Variants in ATXN1 observed in about 807,000 individuals in gnomAD.
ATXN1 encodes ataxin-1.
ATXN1 carries 8 observed loss-of-function variants against 56.4 expected under a neutral mutation model. That is an observed-to-expected ratio of 0.14 (90% CI 0.08 to 0.26). The LOEUF (loss-of-function observed/expected upper bound fraction) is 0.26, where lower values mean the gene tolerates loss of function less well. ATXN1 is among the 10% of genes least tolerant of loss of function. ATXN1 has a pLI of 1.00. For synonymous variants in ATXN1, 514 were observed against 494.6 expected (o/e 1.04, Z -0.52); for missense variants, 987 against 1,106.5 (o/e 0.89, Z 1.53).
intron 3 of ATXN1, among the ~76,000 whole-genome samples, chr6:16,606,398 T>G (rs924940149): frequency 6.6e-6 from 1 of 152,138 alleles, no homozygotes; most frequent in Non-Finnish European, 1.5e-5. Flanking sequence ...TACTATGAAA[T>G]CTAATGTTAT....
At chr6:16,470,314 G>A (rs946917487) in intron 6 of ATXN1, among the ~76,000 whole-genome samples, 1 of 152,074 alleles carries the variant, frequency 6.6e-6, no homozygotes, top group African/African-American at 2.4e-5. Context: ...GTGGCTGCCG[G>A]GGGCTAGGGT....
Position 16,752,917 on chromosome 6 carries a change from CATTCTTAATTGTATTAA to C in ATXN1, c.-615+299_-615+315del, listed in dbSNP as rs1393404340. 8 of 228,948 alleles carry C rather than the reference CATTCTTAATTGTATTAA, an allele frequency of 3.5e-5. No individual in the cohort carries two copies. In the Admixed American group the frequency reaches 4.3e-4, roughly 12 times the overall value. The allele number at this position is 228,948 out of a possible 1,614,324, so 14.2% of individuals were successfully genotyped here. On this transcript the variant is annotated intron_variant, in intron 2 of 7. Coordinates refer to ENST00000436367, the MANE Select transcript of ATXN1 (RefSeq NM_001128164.2). The stretch of plus-strand genomic sequence containing the variant: ...TGACTTAAGATATCTGGTAGCATAG[CATTCTTAATTGTATTAA>C]GGAAAACTGACAATTAAAATGATGA...
chr6:16,605,770 TG>T (rs555085711), intron 3 of ATXN1, among the ~76,000 whole-genome samples: 19 of 152,152 alleles, frequency 1.2e-4, no homozygotes, highest in Non-Finnish European at 2.2e-4. Flanking sequence ...TTACTAGCTA[TG>T]TGGTCTGGAA....
At chr6:16,318,763 T>TG (rs1760573661) in intron 7 of ATXN1, among the ~76,000 whole-genome samples, 1 of 152,160 alleles carries the variant, frequency 6.6e-6, no homozygotes, top group Non-Finnish European at 1.5e-5. Context: ...TTACACATGG[T>TG]AGCGTGGCTC....
intron 2 of ATXN1, among the ~76,000 whole-genome samples, chr6:16,669,644 C>G (rs1160883336): frequency 6.7e-6 from 1 of 149,464 alleles, no homozygotes; most frequent in African/African-American, 2.5e-5. Context: ...GCTCCTATTG[C>G]TCTCTGAACT....
intron 6 of ATXN1, chr6:16,432,713 C>CTTTTTT (rs538208868): frequency 7.0e-5 from 10 of 143,836 alleles, no homozygotes; most frequent in African/African-American, 2.5e-4. Flanking sequence ...TCTTCTTCTT[C>CTTTTTT]TTTTTTTTTT....
rs941299067 is a variant in ATXN1, at chr6:16,718,195, G to C, written c.-615+35038C>G. Among the ~76,000 whole-genome samples the C allele has an allele frequency of 2.6e-5, 4 of 152,310 alleles. No individual in the cohort carries two copies. The East Asian group carries it at 5.8e-4, about 22-fold the overall frequency. ...GCCAGCTCTTTTGCCCTATTAAGCA[G>C]AAAACAAAGGCTCAGTGTATAGAAG... On this transcript the variant is annotated intron_variant, in intron 2 of 7. Coordinates refer to ENST00000436367, the MANE Select transcript of ATXN1 (RefSeq NM_001128164.2).
At chr6:16,573,304 A>G (rs2237175) in intron 4 of ATXN1, among the ~76,000 whole-genome samples, 29,312 of 151,856 alleles carry the variant, frequency 0.19, 5,059 homozygotes, top group African/African-American at 0.46. Flanking sequence ...TGTCCAGTAA[A>G]TATGACCCAG....
At position 16,755,701 on chromosome 6, in the gene ATXN1, T is replaced by A. The variant is rs945377294; in HGVS notation, c.-729-2354A>T. Among the ~76,000 whole-genome samples, 7 of 151,366 alleles carry A rather than the reference T, an allele frequency of 4.6e-5. No homozygotes were observed. In the South Asian group the frequency reaches 1.5e-3, roughly 32 times the overall value. ...CTAACTCATTCAAAACTTGTCATGT[T>A]AAAGGGCACCTAAGTGTAAAAAAAA... is the stretch of plus-strand genomic sequence containing the variant. On this transcript the variant is annotated intron_variant, in intron 1 of 7. Coordinates refer to ENST00000436367, the MANE Select transcript of ATXN1 (RefSeq NM_001128164.2).
chr6:16,406,162 T>C (rs1418569564), intron 6 of ATXN1, among the ~76,000 whole-genome samples: 1 of 152,166 alleles, frequency 6.6e-6, no homozygotes, highest in Non-Finnish European at 1.5e-5. Flanking sequence ...TTTCTCCCTA[T>C]GACTTTCCTT....
intron 4 of ATXN1, among the ~76,000 whole-genome samples, chr6:16,577,599 C>T (rs575645144): frequency 4.5e-4 from 68 of 151,068 alleles, no homozygotes; most frequent in African/African-American, 1.6e-3. Flanking sequence ...TGTTACAGGG[C>T]TTACCAGAAT....
chr6:16,627,073 A>G (rs578148742), intron 3 of ATXN1, among the ~76,000 whole-genome samples: 52 of 152,358 alleles, frequency 3.4e-4, no homozygotes, highest in South Asian at 1.0e-3. Context: ...CTGTGGCCCT[A>G]TAAATGGCTA....
chr6:16,376,726 C>T (rs1341592353), intron 6 of ATXN1, among the ~76,000 whole-genome samples: 1 of 152,178 alleles, frequency 6.6e-6, no homozygotes, highest in African/African-American at 2.4e-5. Context: ...ACATCATTTA[C>T]ATTATTTTTT....
chr6:16,344,253 GTCT>G (rs1196044862), intron 6 of ATXN1, among the ~76,000 whole-genome samples: 1 of 152,164 alleles, frequency 6.6e-6, no homozygotes, highest in Non-Finnish European at 1.5e-5. Context: ...GCTCCAATTA[GTCT>G]AACACCAGCC....
intron 4 of ATXN1, among the ~76,000 whole-genome samples, chr6:16,561,604 T>A (rs1420453800): frequency 6.6e-6 from 1 of 152,112 alleles, no homozygotes; most frequent in Non-Finnish European, 1.5e-5. Flanking sequence ...AACAAATAAT[T>A]TGAAAACCAA....
At chr6:16,596,703 C>T (rs1762821782) in intron 3 of ATXN1, among the ~76,000 whole-genome samples, 1 of 152,154 alleles carries the variant, frequency 6.6e-6, no homozygotes, top group South Asian at 2.1e-4. Context: ...GGTCAGAATC[C>T]ACTTCCCACC....
rs1053395953 is a variant in ATXN1 at position 16,514,421 on chromosome 6, G to A, written c.-299+8206C>T. Among the ~76,000 whole-genome samples, 21 of 152,180 alleles carry A rather than the reference G, an allele frequency of 1.4e-4. 1 individual carries two copies. The highest frequency in any genetic ancestry group is 4.8e-4 in the African/African-American group (20 of 41,436). ...CCAGCAGGAGAGAGACAGTTCTCAT[G>A]GGTGGATGGTGAACCCTCTCTTATC... is the stretch of plus-strand genomic sequence containing the variant. On this transcript the variant is annotated intron_variant, in intron 5 of 7. Transcript: ENST00000436367.
intron 2 of ATXN1, among the ~76,000 whole-genome samples, chr6:16,717,982 T>C (rs1373712943): frequency 1.3e-5 from 2 of 152,230 alleles, no homozygotes; most frequent in Non-Finnish European, 1.5e-5. Flanking sequence ...ATGTATAGAA[T>C]GGAAACTGGC....
rs112291700 is a variant in ATXN1, at chr6:16,624,122, G to A, written c.-489+33654C>T. ...TCCCAGCACTTTGGGAGGCCGAGGT[G>A]GGCAGATCACCTGAGGTCAGGAGTT... On this transcript the variant is annotated intron_variant, in intron 3 of 7. Coordinates refer to ENST00000436367, the MANE Select transcript of ATXN1 (RefSeq NM_001128164.2). Among the ~76,000 whole-genome samples the A allele has an allele frequency of 5.8e-3, 878 of 152,186 alleles. 4 individuals carry two copies. Among genetic ancestry groups the A allele is most frequent in the Non-Finnish European group, 9.5e-3 (643 of 68,028 alleles).
Sources: gnomAD v4.1 joint callset for allele counts (sites outside exome capture counted in the v4.1 genomes callset) on GRCh38, gnomAD v4.1.1 for gene constraint, MANE v1.5 for transcripts, NCBI Gene and HGNC (gene_info 2026-07-23, HGNC 2026-07-21) for gene names.